SBK1: variants seen among roughly 807,000 people sequenced by gnomAD.
SBK1 encodes the protein serine/threonine-protein kinase SBK1.
In SBK1, 11 loss-of-function variants were observed where a neutral mutation model predicts 24.4. That is an observed-to-expected ratio of 0.45 (90% CI 0.28 to 0.75). The LOEUF (loss-of-function observed/expected upper bound fraction) is 0.75. Ranked by LOEUF, SBK1 falls within the 30% of genes least tolerant of loss-of-function variation. SBK1 has a pLI of 0.12. For missense variants in SBK1, 467 were observed against 620.5 expected (o/e 0.75, Z 2.63); for synonymous variants, 308 against 284.4 (o/e 1.08, Z -0.83).
At chr16:28,274,267 C>T (rs112162607) in intron 1 of SBK1, among the ~76,000 whole-genome samples, 7 of 152,298 alleles carry the variant, frequency 4.6e-5, no homozygotes, top group Middle Eastern at 3.4e-3. Flanking sequence ...AAGTGCACCA[C>T]GCTGATACAA....
intron 1 of SBK1, among the ~76,000 whole-genome samples, chr16:28,306,774 G>C (rs568928316): frequency 2.6e-5 from 4 of 152,172 alleles, no homozygotes; most frequent in Non-Finnish European, 4.4e-5. Context: ...ACTTAGCCAG[G>C]GTGTGACAAA....
At chr16:28,264,250 G>C (rs996576544) in intron 1 of SBK1, among the ~76,000 whole-genome samples, 2 of 152,196 alleles carry the variant, frequency 1.3e-5, no homozygotes, top group Admixed American at 1.3e-4. Context: ...AGAGGTGCAT[G>C]GGTGATGGGC....
At position 28,292,774 on chromosome 16, in the gene SBK1, C is replaced by T. The variant is rs2044609928; in HGVS notation, c.-534C>T. 5.1e-6 allele frequency: 5 copies of T among 985,194 alleles called. No homozygotes were observed. The Admixed American group carries it at 1.8e-4, about 36-fold the overall frequency. 61.0% of individuals were successfully genotyped at this position (985,194 alleles called of 1,614,324 possible). ...GGAGCCCCCTTCCACATCCAGGATC[C>T]GGCGAGCCTCGGGGAAGAGGGGGGG... On this transcript the variant is annotated 5_prime_UTR_variant, in exon 1 of 4. Coordinates refer to ENST00000341901, the MANE Select transcript of SBK1 (RefSeq NM_001024401.3).
In SBK1 at chr16:28,323,547, G is replaced by A. The variant is rs1340476960; in HGVS notation, c.*2626G>A. On this transcript the variant is annotated 3_prime_UTR_variant, in exon 4 of 4. Transcript: ENST00000341901. The stretch of plus-strand genomic sequence containing the variant: ...AGGCGGGGCCACAGGTCGGCTAGAG[G>A]GTCTCCACCAGGCCCACTGAACAGA... 6.5e-6 allele frequency: 1 copy of A among 152,718 alleles called. No homozygotes were observed. Among genetic ancestry groups the A allele is most frequent in the Non-Finnish European group, 1.5e-5 (1 of 68,088 alleles). The allele number at this position is 152,718 out of a possible 1,614,324, so 9.5% of individuals were successfully genotyped here. A position where few individuals can be genotyped will look rare whatever the true frequency, so the allele number is the denominator to read the frequency against.
At chr16:28,318,514 G>A (rs1199408283) in intron 2 of SBK1, among the ~76,000 whole-genome samples, 1 of 152,234 alleles carries the variant, frequency 6.6e-6, no homozygotes, top group Non-Finnish European at 1.5e-5. Context: ...CAGGGCCTGC[G>A]ATGTGTAAAT....
chr16:28,271,781 C>A (rs1567670353), intron 1 of SBK1, among the ~76,000 whole-genome samples: 1 of 152,140 alleles, frequency 6.6e-6, no homozygotes, highest in Non-Finnish European at 1.5e-5. Context: ...AACAAGTACT[C>A]CCCTCTCCAA....
Position 28,320,913 on chromosome 16 carries a change from T to A in SBK1, c.1267T>A (p.Cys423Ser). 6.8e-7 allele frequency: 1 copy of A among 1,478,406 alleles called. No individual in the cohort carries two copies. Among genetic ancestry groups the A allele is most frequent in the Non-Finnish European group, 8.9e-7 (1 of 1,119,490 alleles). 91.6% of individuals were successfully genotyped at this position (1,478,406 alleles called of 1,614,324 possible). Residue 423 changes from cysteine to serine, a missense_variant, in exon 4 of 4, where the codon TGC (cysteine) becomes AGC (serine). Transcript: ENST00000341901. The surrounding 1 kb of genome is among the most constrained non-coding windows in gnomAD (Gnocchi z 8.5). ...QVVLATAIEI[C>S]V is the part of the protein sequence containing the mutation. ...GGTGCTGGCCACGGCCATCGAGATC[T>A]GCGTCTGAGTCGCCTCCGCCGCCCT...
chr16:28,281,008 T>A (rs368669826), intron 1 of SBK1, among the ~76,000 whole-genome samples: 4 of 152,004 alleles, frequency 2.6e-5, no homozygotes, highest in Admixed American at 2.6e-4. Context: ...TAGCTACAGG[T>A]CTTGGTAGTG....
chr16:28,264,108 G>A (rs370262147), intron 1 of SBK1, among the ~76,000 whole-genome samples: 1 of 152,062 alleles, frequency 6.6e-6, no homozygotes, highest in African/African-American at 2.4e-5. Flanking sequence ...TAGCCTAGGT[G>A]ACACAGCAAG....
chr16:28,311,933 C>T (rs916163050), intron 1 of SBK1, among the ~76,000 whole-genome samples: 1 of 152,220 alleles, frequency 6.6e-6, no homozygotes, highest in African/African-American at 2.4e-5. Flanking sequence ...GTGTGGGAGG[C>T]AGGGAGGGCT....
At chr16:28,307,399 A>G (rs2044724671) in intron 1 of SBK1, among the ~76,000 whole-genome samples, 1 of 152,198 alleles carries the variant, frequency 6.6e-6, no homozygotes, top group Non-Finnish European at 1.5e-5. Flanking sequence ...CAGTGTCCAA[A>G]AGCTTAACCA....
intron 1 of SBK1, among the ~76,000 whole-genome samples, chr16:28,270,628 T>C (rs1247322242): frequency 6.6e-6 from 1 of 151,610 alleles, no homozygotes; most frequent in African/African-American, 2.4e-5. Context: ...TTTACCATGT[T>C]GCCCAGGCTG....
intron 1 of SBK1, among the ~76,000 whole-genome samples, chr16:28,267,537 G>A (rs1005505671): frequency 2.0e-5 from 3 of 152,198 alleles, no homozygotes; most frequent in African/African-American, 7.2e-5. Context: ...ATTAGGACAT[G>A]GATGTTTGCA....
At chr16:28,296,023 T>C (rs1364041734) in intron 1 of SBK1, among the ~76,000 whole-genome samples, 1 of 150,868 alleles carries the variant, frequency 6.6e-6, no homozygotes, top group Non-Finnish European at 1.5e-5. Flanking sequence ...GCCCCTGGGT[T>C]CAAGTGATTC....
intron 1 of SBK1, among the ~76,000 whole-genome samples, chr16:28,278,005 TAC>T (rs2044505425): frequency 1.3e-5 from 2 of 152,252 alleles, no homozygotes; most frequent in African/African-American, 4.8e-5. Flanking sequence ...TCAGCCAGGT[TAC>T]ACAAAAGCTC....
intron 1 of SBK1, among the ~76,000 whole-genome samples, chr16:28,262,822 C>G (rs1238708423): frequency 6.6e-6 from 1 of 152,058 alleles, no homozygotes; most frequent in Non-Finnish European, 1.5e-5. Context: ...ATAAGCTTGG[C>G]AATCGTAATG....
chr16:28,275,630 AG>A (rs1244740160), intron 1 of SBK1, among the ~76,000 whole-genome samples: 1 of 152,116 alleles, frequency 6.6e-6, no homozygotes, highest in Admixed American at 6.6e-5. Flanking sequence ...CTGTAATTCC[AG>A]CACTTTGAGA....
chr16:28,278,282 A>G (rs529872224), intron 1 of SBK1, among the ~76,000 whole-genome samples: 5 of 152,296 alleles, frequency 3.3e-5, no homozygotes, highest in Admixed American at 2.0e-4. Flanking sequence ...GGAGGTAGGC[A>G]GTGTCTAGGA....
At position 28,292,586 on chromosome 16, in the gene SBK1, G is replaced by T. The variant is rs2044608088; in HGVS notation, c.-722G>T. 1 of 980,362 alleles carries T rather than the reference G, an allele frequency of 1.0e-6. No individual in the cohort carries two copies. Among genetic ancestry groups the T allele is most frequent in the African/African-American group, 1.8e-5 (1 of 56,732 alleles). 60.7% of individuals were successfully genotyped at this position (980,362 alleles called of 1,614,324 possible). ...GGCCGGGGCCCGAGCGCCAGGCGGA[G>T]CGCGAGCTGGAGCCGCAGCCGGAGC... is the stretch of plus-strand genomic sequence containing the variant. On this transcript the variant is annotated 5_prime_UTR_variant, in exon 1 of 4. Coordinates refer to ENST00000341901, the MANE Select transcript of SBK1 (RefSeq NM_001024401.3).
Sources: allele counts gnomAD v4.1 joint callset (sites outside exome capture counted in the v4.1 genomes callset), GRCh38; gene constraint gnomAD v4.1.1; non-coding constraint Gnocchi (gnomAD v3.1); transcripts MANE v1.5; gene names NCBI Gene and HGNC (gene_info 2026-07-23, HGNC 2026-07-21).